Variants in ZNF679 observed in about 807,000 individuals in gnomAD.
ZNF679 encodes hypothetical protein MGC42415.
In ZNF679, 10 loss-of-function variants were observed where a neutral mutation model predicts 13.4. That is an observed-to-expected ratio of 0.75 (90% CI 0.46 to 1.27). The LOEUF (loss-of-function observed/expected upper bound fraction) is 1.27, where lower values mean the gene tolerates loss of function less well. Ranked by LOEUF, ZNF679 falls within the 50% of genes most tolerant of loss-of-function variation. The pLI is 0.00. For missense variants in ZNF679, 525 were observed against 477.8 expected, an observed-to-expected ratio of 1.10 and a Z score of -0.92; for synonymous variants, 179 against 162.5, an observed-to-expected ratio of 1.10 and a Z score of -0.77.
At chr7:64,262,664 T>C (rs1394369920) in intron 4 of ZNF679, among the ~76,000 whole-genome samples, 1 of 152,200 alleles carries the variant, frequency 6.6e-6, no homozygotes, top group Non-Finnish European at 1.5e-5. Context: ...TTTTGCTCTA[T>C]CATGTCCTTA....
chr7:64,248,492 G>C (rs888851435), intron 1 of ZNF679, among the ~76,000 whole-genome samples: 2 of 151,956 alleles, frequency 1.3e-5, no homozygotes, highest in Admixed American at 6.6e-5. Flanking sequence ...GTATTGGCCA[G>C]GCTGGTCTCC....
intron 1 of ZNF679, among the ~76,000 whole-genome samples, chr7:64,248,268 G>A (rs1047565345): frequency 1.3e-5 from 2 of 151,816 alleles, no homozygotes; most frequent in African/African-American, 4.8e-5. Flanking sequence ...GTCTCTGCCC[G>A]GACATGTGGC....
chr7:64,231,921 G>A (rs1787644819), intron 1 of ZNF679, among the ~76,000 whole-genome samples: 2 of 152,226 alleles, frequency 1.3e-5, no homozygotes, highest in Admixed American at 1.3e-4. Flanking sequence ...GTCCCAGCTG[G>A]AGGTATGGGA....
intron 1 of ZNF679, among the ~76,000 whole-genome samples, chr7:64,248,814 G>A (rs1442703265): frequency 2.0e-5 from 3 of 152,142 alleles, no homozygotes; most frequent in Admixed American, 6.5e-5. Context: ...AGGGAAGAAG[G>A]CTTAGCTGTA....
intron 2 of ZNF679, among the ~76,000 whole-genome samples, chr7:64,254,143 G>A (rs140582895): frequency 7.9e-6 from 1 of 125,790 alleles, no homozygotes. Flanking sequence ...TTTTTTTTTT[G>A]AGACAAAGTC....
intron 4 of ZNF679, among the ~76,000 whole-genome samples, chr7:64,264,699 T>G (rs1788121437): frequency 6.6e-6 from 1 of 152,100 alleles, no homozygotes; most frequent in Non-Finnish European, 1.5e-5. Flanking sequence ...ACAGTTCTTT[T>G]CTGACCTGCA....
chr7:64,236,941 G>GA (rs754210901), intron 1 of ZNF679, among the ~76,000 whole-genome samples: 3 of 35,078 alleles, frequency 8.6e-5, no homozygotes, highest in Non-Finnish European at 1.6e-4. Flanking sequence ...AAGAAAGAAA[G>GA]AAAGAAAGAA....
At chr7:64,238,911 AAG>A (rs1326487726) in intron 1 of ZNF679, among the ~76,000 whole-genome samples, 1 of 152,072 alleles carries the variant, frequency 6.6e-6, no homozygotes, top group East Asian at 1.9e-4. Flanking sequence ...GGCCCAGTCA[AAG>A]AGAGAGATTT....
At chr7:64,236,644 G>A (rs1249060933) in intron 1 of ZNF679, among the ~76,000 whole-genome samples, 1 of 151,812 alleles carries the variant, frequency 6.6e-6, no homozygotes, top group African/African-American at 2.4e-5. Context: ...TTAGCCAGGT[G>A]TAGTGCACGC....
chr7:64,236,975 A>AAGAAAGAAAGAGAAAGAAAG (rs201487010), intron 1 of ZNF679, among the ~76,000 whole-genome samples: 2 of 16,262 alleles, frequency 1.2e-4, no homozygotes, highest in African/African-American at 3.1e-4. Flanking sequence ...GAAAGAAAGA[A>AAGAAAGAAAGAGAAAGAAAG]AAAGAAAGAA....
At position 64,228,581 on chromosome 7, in the gene ZNF679, C is replaced by A. The variant is rs958563408; in HGVS notation, c.-162C>A. On this transcript the variant is annotated 5_prime_UTR_variant, in exon 1 of 5. Coordinates refer to ENST00000421025, the MANE Select transcript of ZNF679 (RefSeq NM_153363.3). Reference sequence around the variant, plus strand: ...AAAGTATACGCCACAATCACACCTGCGGGAAGGACCAGGAATAAATTTCAC... The same window carrying A: ...AAAGTATACGCCACAATCACACCTGAGGGAAGGACCAGGAATAAATTTCAC... 6.6e-6 allele frequency: 1 copy of A among 152,202 alleles called. No homozygotes were observed. Among genetic ancestry groups the A allele is most frequent in the Non-Finnish European group, 1.5e-5 (1 of 68,044 alleles). The allele number at this position is 152,202 out of a possible 1,614,324, so 9.4% of individuals were successfully genotyped here.
chr7:64,229,750 G>C (rs1534102), intron 1 of ZNF679, among the ~76,000 whole-genome samples: 35,926 of 152,040 alleles, frequency 0.24, 4,394 homozygotes, highest in East Asian at 0.32. Context: ...CTGGGTCTAT[G>C]TATGAGAGTC....
At chr7:64,234,119 C>T (rs1192288708) in intron 1 of ZNF679, among the ~76,000 whole-genome samples, 2 of 152,116 alleles carry the variant, frequency 1.3e-5, no homozygotes, top group Non-Finnish European at 2.9e-5. Context: ...TCCGGGCTGC[C>T]GTGAGACCTA....
intron 1 of ZNF679, among the ~76,000 whole-genome samples, chr7:64,244,023 G>T (rs915867269): frequency 6.6e-6 from 1 of 152,084 alleles, no homozygotes; most frequent in African/African-American, 2.4e-5. Context: ...AGTCTGAGGC[G>T]GGCAGATCAT....
intron 1 of ZNF679, among the ~76,000 whole-genome samples, chr7:64,235,502 A>C (rs1489629717): frequency 2.6e-5 from 4 of 152,120 alleles, no homozygotes; most frequent in African/African-American, 9.7e-5. Flanking sequence ...TAACAAAAAA[A>C]AATAGGCCAG....
chr7:64,239,293 G>A (rs551172741), intron 1 of ZNF679, among the ~76,000 whole-genome samples: 5 of 152,278 alleles, frequency 3.3e-5, no homozygotes, highest in African/African-American at 1.2e-4. Flanking sequence ...GACACAGCTT[G>A]GAGAAGGGAT....
At chr7:64,246,535 C>A (rs1172054109) in intron 1 of ZNF679, among the ~76,000 whole-genome samples, 1 of 152,028 alleles carries the variant, frequency 6.6e-6, no homozygotes, top group African/African-American at 2.4e-5. Context: ...TCAATCTGGC[C>A]AACATGGTGA....
At position 64,242,721 on chromosome 7, in the gene ZNF679, C is replaced by A. The variant is rs371540097; in HGVS notation, c.-90-6307C>A. Among the ~76,000 whole-genome samples, 3 of 152,224 alleles carry A rather than the reference C, an allele frequency of 2.0e-5. No individual in the cohort carries two copies. The South Asian group carries it at 6.2e-4, about 32-fold the overall frequency. On this transcript the variant is annotated intron_variant, in intron 1 of 4. Coordinates refer to ENST00000421025, the MANE Select transcript of ZNF679 (RefSeq NM_153363.3). ...GGCCCTACTATAACACTCTCTGTCC[C>A]ATCTGAGGGCTTTAGACAATATGCA...
intron 2 of ZNF679, among the ~76,000 whole-genome samples, chr7:64,258,992 A>G (rs1788040927): frequency 6.6e-6 from 1 of 151,648 alleles, no homozygotes; most frequent in South Asian, 2.1e-4. Flanking sequence ...GCCCACTGCA[A>G]CCTCCGCCTT....
Sources: allele counts gnomAD v4.1 joint callset (sites outside exome capture counted in the v4.1 genomes callset), GRCh38; gene constraint gnomAD v4.1.1; transcripts MANE v1.5; gene names NCBI Gene and HGNC (gene_info 2026-07-23, HGNC 2026-07-21).